DTNB: variants seen among roughly 807,000 people sequenced by gnomAD.
DTNB encodes the protein DTN-B.
In DTNB, 63 loss-of-function variants were observed where a neutral mutation model predicts 90.7. The observed-to-expected ratio is 0.69, with a 90% CI of 0.57 to 0.86. DTNB has a LOEUF of 0.86. Among genes scored for constraint, DTNB ranks in the 40% least tolerant of loss-of-function variants. DTNB has a pLI of 0.00. For synonymous variants in DTNB, 277 were observed against 286.7 expected, an observed-to-expected ratio of 0.97 and a Z score of 0.34; for missense variants, 744 against 807.1, an observed-to-expected ratio of 0.92 and a Z score of 0.95.
At chr2:25,556,941 A>T (rs1031395584) in intron 8 of DTNB, among the ~76,000 whole-genome samples, 4 of 152,250 alleles carry the variant, frequency 2.6e-5, no homozygotes, top group Non-Finnish European at 5.9e-5. Context: ...CAGACCAAAG[A>T]CATAACTGTA....
intron 15 of DTNB, among the ~76,000 whole-genome samples, chr2:25,419,953 A>G (rs2048980890): frequency 6.6e-6 from 1 of 152,210 alleles, no homozygotes; most frequent in African/African-American, 2.4e-5. Context: ...GTGTTTAGGT[A>G]CATTTATCGA....
At chr2:25,641,891 G>A (rs2078392186) in intron 2 of DTNB, among the ~76,000 whole-genome samples, 1 of 152,166 alleles carries the variant, frequency 6.6e-6, no homozygotes, top group African/African-American at 2.4e-5. Flanking sequence ...CACGGTCTCG[G>A]CTTACTGCAA....
At chr2:25,427,272 C>T (rs1325869286) in intron 15 of DTNB, among the ~76,000 whole-genome samples, 4 of 151,500 alleles carry the variant, frequency 2.6e-5, no homozygotes, top group African/African-American at 9.7e-5. Context: ...TAGCTAATAT[C>T]CTATTTATAA....
chr2:25,515,852 C>T (rs1210092224), intron 9 of DTNB, among the ~76,000 whole-genome samples: 4 of 152,136 alleles, frequency 2.6e-5, no homozygotes, highest in South Asian at 4.1e-4. Context: ...GCTGGGATTA[C>T]AGGCATGAGC....
At chr2:25,587,340 T>C (rs185541926) in intron 6 of DTNB, among the ~76,000 whole-genome samples, 425 of 152,326 alleles carry the variant, frequency 2.8e-3, no homozygotes, top group African/African-American at 9.6e-3. Flanking sequence ...TAGGCTGCCA[T>C]TGAGCCACTG....
intron 9 of DTNB, among the ~76,000 whole-genome samples, chr2:25,504,818 T>C (rs955324617): frequency 1.3e-5 from 2 of 152,206 alleles, no homozygotes; most frequent in African/African-American, 4.8e-5. Flanking sequence ...GTACAATTCC[T>C]AACAAAATCA....
intron 8 of DTNB, among the ~76,000 whole-genome samples, chr2:25,534,674 C>A (rs1012877471): frequency 2.2e-5 from 3 of 137,112 alleles, no homozygotes; most frequent in African/African-American, 8.3e-5. Context: ...GGCGGCCGGA[C>A]AGAGGCACTC....
At chr2:25,621,974 T>A (rs1035094358) in intron 4 of DTNB, among the ~76,000 whole-genome samples, 1 of 152,166 alleles carries the variant, frequency 6.6e-6, no homozygotes, top group Non-Finnish European at 1.5e-5. Flanking sequence ...TTGTATTTTT[T>A]AAGATTTAGA....
intron 16 of DTNB, 46 bp downstream of exon 16, chr2:25,419,469 G>A (rs556601267): frequency 7.1e-6 from 11 of 1,554,718 alleles, no homozygotes; most frequent in South Asian, 5.9e-5. Flanking sequence ...AAGGAAGAAC[G>A]TGCAAAGGAG....
intron 5 of DTNB, among the ~76,000 whole-genome samples, chr2:25,598,538 G>A (rs2065128532): frequency 6.6e-6 from 1 of 152,068 alleles, no homozygotes; most frequent in African/African-American, 2.4e-5. Flanking sequence ...AAAGTTCAGA[G>A]GCCAAATCAA....
At chr2:25,635,140 TC>T (rs1430597407) in intron 3 of DTNB, among the ~76,000 whole-genome samples, 5 of 150,692 alleles carry the variant, frequency 3.3e-5, no homozygotes, top group Non-Finnish European at 7.4e-5. Flanking sequence ...TAGGAATAAA[TC>T]CAATGAAGAG....
At chr2:25,447,367 A>G (rs1269143546) in intron 12 of DTNB, among the ~76,000 whole-genome samples, 1 of 152,158 alleles carries the variant, frequency 6.6e-6, no homozygotes, top group African/African-American at 2.4e-5. Context: ...TTCTCAAACT[A>G]TAACGTAATG....
At chr2:25,576,242 T>TTTC (rs1553551298) in intron 8 of DTNB, among the ~76,000 whole-genome samples, 4 of 146,090 alleles carry the variant, frequency 2.7e-5, no homozygotes, top group African/African-American at 1.0e-4. Flanking sequence ...TTTTTTTTTT[T>TTTC]TGAGACAGAG....
intron 6 of DTNB, among the ~76,000 whole-genome samples, chr2:25,581,120 A>G (rs958215237): frequency 2.0e-5 from 3 of 152,168 alleles, no homozygotes; most frequent in Admixed American, 6.5e-5. Context: ...AACCATTTAA[A>G]AGTTTTGTAG....
rs773276883 is a variant in DTNB, at chr2:25,628,295, G to C, written c.238C>G (p.Arg80Gly). The change falls in exon 4 of 21, where the codon CGC becomes GGC. Residue 80 changes from arginine (R) to glycine (G), a missense_variant. Physicochemically the swap from Arg to Gly is moderately radical, Grantham distance 125. Transcript: ENST00000406818. ...LDHTTEISVS[R>G]LETVISSIYY... ...ATGGAGGAGATGACAGTTTCGAGGC[G>C]GGACACACTGATCTCGGTGGTATGG... The C allele has an allele frequency of 1.9e-6, 3 of 1,613,404 alleles. No homozygotes were observed. Among genetic ancestry groups the C allele is most frequent in the Non-Finnish European group, 2.5e-6 (3 of 1,179,772 alleles).
At chr2:25,637,464 C>T (rs1172649050) in intron 3 of DTNB, among the ~76,000 whole-genome samples, 1 of 152,292 alleles carries the variant, frequency 6.6e-6, no homozygotes, top group South Asian at 2.1e-4. Context: ...ACCCATCTGA[C>T]AAAGGGCTAA....
At chr2:25,582,915 G>T (rs1157382397) in intron 6 of DTNB, among the ~76,000 whole-genome samples, 1 of 152,056 alleles carries the variant, frequency 6.6e-6, no homozygotes, top group Non-Finnish European at 1.5e-5. Context: ...ATGCCTCTAT[G>T]GACATGCAAA....
chr2:25,594,035 T>C (rs1443698875), intron 6 of DTNB, among the ~76,000 whole-genome samples: 5 of 152,186 alleles, frequency 3.3e-5, no homozygotes, highest in Non-Finnish European at 2.9e-5. Context: ...AAGGTGATGA[T>C]ACCTCCAAGG....
intron 12 of DTNB, 134 bp from the exon 13 acceptor site, chr2:25,434,129 C>G: frequency 1.4e-6 from 1 of 739,040 alleles, no homozygotes; most frequent in Non-Finnish European, 2.2e-6. Flanking sequence ...TTTAAGTATA[C>G]AATTCAATGA....
Sources: allele counts gnomAD v4.1 joint callset (sites outside exome capture counted in the v4.1 genomes callset), GRCh38; gene constraint gnomAD v4.1.1; transcripts MANE v1.5; gene names NCBI Gene and HGNC (gene_info 2026-07-23, HGNC 2026-07-21).